ZBTB20: variants seen among roughly 807,000 people sequenced by gnomAD.
ZBTB20 encodes the protein zinc finger and BTB domain-containing protein 20.
ZBTB20 carries 9 observed loss-of-function variants against 56.9 expected under a neutral mutation model. The ratio of observed to expected loss-of-function variants is 0.16; its 90% confidence interval spans 0.10 to 0.28. The LOEUF is 0.28. ZBTB20 is among the 10% of genes least tolerant of loss of function. The pLI, the probability that ZBTB20 is intolerant of heterozygous loss-of-function variation, is 1.00. For missense variants in ZBTB20, 655 were observed against 1,003.0 expected (o/e 0.65, Z 4.69); for synonymous variants, 417 against 420.7 (o/e 0.99, Z 0.11).
chr3:115,014,582 TAATA>T lies in ZBTB20; in HGVS notation c.-506-40170_-506-40167del, dbSNP rs947961492. ...TATCCACAAAAATTAAAAATAAAAATAATAAATAAATATTTTTATTGAGTTTTTT... is the reference window on the plus strand; with the variant it reads ...TATCCACAAAAATTAAAAATAAAAATAATAAATATTTTTATTGAGTTTTTT... On this transcript the variant is annotated intron_variant, in intron 2 of 11. Transcript: ENST00000675478. Among the ~76,000 whole-genome samples, 20 of 141,142 alleles carry T rather than the reference TAATA, an allele frequency of 1.4e-4. 1 individual carries two copies. Among genetic ancestry groups the T allele is most frequent in the African/African-American group, 5.1e-4 (19 of 37,414 alleles). 92.6% of individuals were successfully genotyped at this position (141,142 alleles called of 152,430 possible). A position where few individuals can be genotyped will look rare whatever the true frequency, so the allele number is the denominator to read the frequency against.
At chr3:114,749,265 A>G (rs1233814178) in intron 5 of ZBTB20, among the ~76,000 whole-genome samples, 1 of 152,114 alleles carries the variant, frequency 6.6e-6, no homozygotes, top group East Asian at 1.9e-4. Flanking sequence ...GTTTTAAAGA[A>G]ATTGGCAGCT....
At chr3:114,551,146 G>A (rs2050525634) in intron 6 of ZBTB20, among the ~76,000 whole-genome samples, 3 of 152,122 alleles carry the variant, frequency 2.0e-5, no homozygotes, top group Admixed American at 1.3e-4. Flanking sequence ...TCTTTAAATC[G>A]ATTGTTTTTT....
At chr3:114,431,600 T>C (rs1281198476) in intron 7 of ZBTB20, among the ~76,000 whole-genome samples, 2 of 152,168 alleles carry the variant, frequency 1.3e-5, no homozygotes, top group African/African-American at 4.8e-5. Context: ...AAAATACCAT[T>C]TGAACTGCTT....
chr3:114,430,163 T>C (rs568026549), intron 7 of ZBTB20, among the ~76,000 whole-genome samples: 4 of 152,318 alleles, frequency 2.6e-5, no homozygotes, highest in East Asian at 3.9e-4. Context: ...AGTGATCATA[T>C]TACCCAAGCA....
intron 1 of ZBTB20, among the ~76,000 whole-genome samples, chr3:115,141,161 A>G (rs1455607674): frequency 6.6e-6 from 1 of 152,168 alleles, no homozygotes; most frequent in Non-Finnish European, 1.5e-5. Context: ...GAATCACTGA[A>G]AAAAACATTG....
intron 4 of ZBTB20, among the ~76,000 whole-genome samples, chr3:114,809,267 A>G (rs2072341046): frequency 6.6e-6 from 1 of 151,936 alleles, no homozygotes; most frequent in Non-Finnish European, 1.5e-5. Flanking sequence ...AATATTTTTG[A>G]GCCCTTTCTT....
chr3:114,387,016 A>G (rs1404225899), intron 8 of ZBTB20, among the ~76,000 whole-genome samples: 1 of 152,110 alleles, frequency 6.6e-6, no homozygotes, highest in Non-Finnish European at 1.5e-5. Flanking sequence ...GCACATAGTA[A>G]ATGGTCAGCA....
rs1168534836 is a variant in ZBTB20 at position 114,351,762 on chromosome 3, C to G, written c.316G>C (p.Val106Leu). 1 of 1,613,804 alleles carries G rather than the reference C, an allele frequency of 6.2e-7. No homozygotes were observed. The highest frequency in any genetic ancestry group is 8.5e-7 in the Non-Finnish European group (1 of 1,179,880). The change falls in exon 11 of 12, where the codon GTA becomes CTA. Residue 106 changes from valine to leucine, a missense_variant. Around this residue, in one of 10 missense-constraint regions of ZBTB20, gnomAD observed 57 missense variants for 99.1 expected, o/e 0.58. Coordinates refer to ENST00000675478, the MANE Select transcript of ZBTB20 (RefSeq NM_001348800.3). The stretch of plus-strand genomic sequence containing the variant: ...ATGCTCCCGTGGATGCGCACCGTTA[C>G]GTCACAGAAGTGGCCACGGTTGCGC... ...EQRNRGHFCDVTVRIHGSMLR... is the reference protein window; with the variant it reads ...EQRNRGHFCDLTVRIHGSMLR...
intron 6 of ZBTB20, among the ~76,000 whole-genome samples, chr3:114,627,728 C>T (rs1034787178): frequency 3.9e-5 from 6 of 152,182 alleles, no homozygotes; most frequent in Admixed American, 2.6e-4. Context: ...AGGGGAGTAA[C>T]TGACACAAAA....
At chr3:114,925,576 G>C (rs1324448894) in intron 3 of ZBTB20, among the ~76,000 whole-genome samples, 1 of 152,036 alleles carries the variant, frequency 6.6e-6, no homozygotes, top group Admixed American at 6.6e-5. Flanking sequence ...TGCCAGGCTG[G>C]AGTGCAGTGG....
chr3:114,588,096 T>C (rs1009573566), intron 6 of ZBTB20, among the ~76,000 whole-genome samples: 7 of 152,318 alleles, frequency 4.6e-5, no homozygotes, highest in African/African-American at 1.7e-4. Context: ...TTTGCTCCCA[T>C]ATTACTTCCA....
intron 5 of ZBTB20, among the ~76,000 whole-genome samples, chr3:114,773,281 T>C (rs1416612767): frequency 6.6e-6 from 1 of 152,130 alleles, no homozygotes; most frequent in African/African-American, 2.4e-5. Flanking sequence ...ATAATAAATT[T>C]GTATTGTCAT....
At chr3:115,071,050 A>G (rs1343914081) in intron 2 of ZBTB20, among the ~76,000 whole-genome samples, 169 bp downstream of exon 2, 1 of 152,082 alleles carries the variant, frequency 6.6e-6, no homozygotes, top group Non-Finnish European at 1.5e-5. Context: ...AATTATATAA[A>G]ATAAAATATA....
At chr3:114,962,668 A>G (rs1335778754) in intron 3 of ZBTB20, among the ~76,000 whole-genome samples, 1 of 152,184 alleles carries the variant, frequency 6.6e-6, no homozygotes, top group Non-Finnish European at 1.5e-5. Context: ...ATTAAATAGT[A>G]GCAGGAGACC....
chr3:114,853,715 G>A (rs886788063), intron 4 of ZBTB20, among the ~76,000 whole-genome samples: 1 of 152,138 alleles, frequency 6.6e-6, no homozygotes, highest in African/African-American at 2.4e-5. Flanking sequence ...CTAAACTTTA[G>A]ACTACCAGAT....
chr3:114,995,545 A>C (rs1004908769), intron 2 of ZBTB20, among the ~76,000 whole-genome samples: 18 of 151,834 alleles, frequency 1.2e-4, no homozygotes, highest in African/African-American at 4.3e-4. Context: ...CCTATTTCAT[A>C]AGCTTCACCC....
chr3:114,603,853 T>G (rs911826299), intron 6 of ZBTB20, among the ~76,000 whole-genome samples: 2 of 151,984 alleles, frequency 1.3e-5, no homozygotes, highest in Admixed American at 1.3e-4. Flanking sequence ...GATACCGTCT[T>G]TTACCAATAC....
intron 7 of ZBTB20, among the ~76,000 whole-genome samples, chr3:114,497,938 C>G (rs899206337): frequency 1.3e-5 from 2 of 152,194 alleles, no homozygotes; most frequent in Non-Finnish European, 2.9e-5. Context: ...CAGTAAGGCA[C>G]TTTCTGATGG....
intron 6 of ZBTB20, among the ~76,000 whole-genome samples, chr3:114,682,251 A>T (rs1398227599): frequency 6.6e-6 from 1 of 152,212 alleles, no homozygotes; most frequent in Non-Finnish European, 1.5e-5. Flanking sequence ...AGGAAAAAAA[A>T]TGATTAGAAA....
Sources: gnomAD v4.1 joint callset for allele counts (sites outside exome capture counted in the v4.1 genomes callset) on GRCh38, gnomAD v4.1.1 for gene constraint, gnomAD v4.1.1 regional missense constraint, MANE v1.5 for transcripts, NCBI Gene and HGNC (gene_info 2026-07-23, HGNC 2026-07-21) for gene names.